The following HTR2C variants were observed in gnomAD, a reference collection of about 807,000 sequenced individuals.
HTR2C encodes the protein 5-hydroxytryptamine (serotonin) receptor 2C, G protein-coupled.
Under a neutral mutation model 21.0 loss-of-function variants are expected in HTR2C, and 5 were observed. The observed-to-expected ratio is 0.24, with a 90% confidence interval of 0.12 to 0.50. The LOEUF (loss-of-function observed/expected upper bound fraction) is 0.50. Ranked by LOEUF, HTR2C falls within the 20% of genes least tolerant of loss-of-function variation. HTR2C has a pLI of 0.98. For synonymous variants in HTR2C, 150 were observed against 145.3 expected, an observed-to-expected ratio of 1.03 and a Z score of -0.23; for missense variants, 271 against 371.2, an observed-to-expected ratio of 0.73 and a Z score of 2.22.
At chrX:114,770,803 C>CTTTTTTTTTT (rs377420309) in intron 4 of HTR2C, among the ~76,000 whole-genome samples, 1 of 80,744 alleles carries the variant, frequency 1.2e-5, no homozygotes, top group African/African-American at 4.8e-5. Context: ...TTCTTTCTTC[C>CTTTTTTTTTT]TTTTTTTTTT....
At chrX:114,806,301 C>CAT (rs1324412394) in intron 4 of HTR2C, among the ~76,000 whole-genome samples, 4 of 94,598 alleles carry the variant, frequency 4.2e-5, no homozygotes, top group Non-Finnish European at 8.3e-5. Context: ...AGATACACAC[C>CAT]ATATATATAC....
chrX:114,628,601 C>T (rs782667993), intron 2 of HTR2C, among the ~76,000 whole-genome samples: 30 of 109,561 alleles, frequency 2.7e-4, no homozygotes, highest in African/African-American at 9.6e-4. Context: ...TAGAAATGCT[C>T]CTCTTAAATT....
At chrX:114,729,232 T>C (rs183962665) in intron 3 of HTR2C, among the ~76,000 whole-genome samples, 107 of 112,080 alleles carry the variant, frequency 9.5e-4, no homozygotes, top group Non-Finnish European at 1.8e-3. Flanking sequence ...AGTTGGGATA[T>C]AGCAAACATA....
intron 2 of HTR2C, among the ~76,000 whole-genome samples, chrX:114,703,033 A>G (rs1173249901): frequency 2.8e-4 from 25 of 89,742 alleles, no homozygotes; most frequent in Admixed American, 6.9e-4. Flanking sequence ...ATATGCACCC[A>G]ATACAGGAGC....
chrX:114,703,471 A>T (rs1400736000), intron 2 of HTR2C, among the ~76,000 whole-genome samples: 1 of 110,954 alleles, frequency 9.0e-6, no homozygotes, highest in African/African-American at 3.3e-5. Flanking sequence ...CTGGGTACAT[A>T]AGGAAATGAA....
intron 2 of HTR2C, among the ~76,000 whole-genome samples, chrX:114,694,470 T>C (rs1932207969): frequency 5.4e-4 from 2 of 3,706 alleles, no homozygotes; most frequent in African/African-American, 6.3e-4. Context: ...TATATATATA[T>C]ATATATATAT....
intron 4 of HTR2C, among the ~76,000 whole-genome samples, chrX:114,778,271 A>C (rs1419720590): frequency 8.9e-6 from 1 of 111,817 alleles, no homozygotes; most frequent in African/African-American, 3.3e-5. Context: ...TCTTATTTCT[A>C]AATAAACATT....
intron 5 of HTR2C, among the ~76,000 whole-genome samples, chrX:114,859,734 C>G (rs904407063): frequency 4.5e-5 from 5 of 110,822 alleles, no homozygotes; most frequent in African/African-American, 1.6e-4. Context: ...CTTTGGGTTT[C>G]ATTTTCTCTT....
intron 4 of HTR2C, among the ~76,000 whole-genome samples, chrX:114,839,371 C>T (rs2147480759): frequency 8.9e-6 from 1 of 111,953 alleles, no homozygotes; most frequent in African/African-American, 3.2e-5. Context: ...GAAGAGGTGG[C>T]TAAAACTCCA....
chrX:114,746,964 G>A lies in HTR2C; in HGVS notation c.349+15357G>A, dbSNP rs5988124. Among the ~76,000 whole-genome samples the A allele has an allele frequency of 4.4e-3, 488 of 110,739 alleles. 4 individuals are homozygous for A. The highest frequency in any genetic ancestry group is 0.015 in the African/African-American group (463 of 30,438). ...CGAGCCACTGCACTCCAGCCTGGGCGACAGAGCGAGACTCCGTCTCAAAAA... is the reference window on the plus strand; with the variant it reads ...CGAGCCACTGCACTCCAGCCTGGGCAACAGAGCGAGACTCCGTCTCAAAAA... On this transcript the variant is annotated intron_variant, in intron 4 of 5. Coordinates refer to ENST00000276198, the MANE Select transcript of HTR2C (RefSeq NM_000868.4).
intron 4 of HTR2C, among the ~76,000 whole-genome samples, chrX:114,761,559 A>T (rs996286705): frequency 9.0e-6 from 1 of 111,098 alleles, no homozygotes; most frequent in African/African-American, 3.3e-5. Context: ...TTCTGCAAAA[A>T]ATTTCACATG....
In HTR2C at chrX:114,602,298, T is replaced by G. The variant is rs1321319923; in HGVS notation, c.-146-11517T>G. 1.2e-4 allele frequency among the ~76,000 whole-genome samples: 3 copies of G among 25,704 alleles called. 1 individual carries two copies. Among genetic ancestry groups the G allele is most frequent in the African/African-American group, 4.6e-4 (3 of 6,563 alleles). 22.3% of individuals were successfully genotyped at this position (25,704 alleles called of 115,157 possible). ...ACAGAAGATAGTAGGGATGACAAGT[T>G]TTTTTTTGGGGGGGCACAGTCTAAG... On this transcript the variant is annotated intron_variant, in intron 1 of 5. Transcript: ENST00000276198.
intron 4 of HTR2C, among the ~76,000 whole-genome samples, chrX:114,762,899 G>T (rs977180279): frequency 1.8e-5 from 2 of 111,842 alleles, no homozygotes; most frequent in Non-Finnish European, 3.8e-5. Context: ...GCTAACAAAG[G>T]TCCTCTAGCC....
chrX:114,892,972 G>A (rs1473990048), intron 5 of HTR2C, among the ~76,000 whole-genome samples: 1 of 108,329 alleles, frequency 9.2e-6, no homozygotes, highest in Non-Finnish European at 1.9e-5. Context: ...GAATGCAGTG[G>A]CATGATCTTG....
At chrX:114,874,770 A>G (rs372373277) in intron 5 of HTR2C, among the ~76,000 whole-genome samples, 1 of 111,131 alleles carries the variant, frequency 9.0e-6, no homozygotes, top group Non-Finnish European at 1.9e-5. Flanking sequence ...CGGCCTCCCA[A>G]AGTGCTGGGA....
At chrX:114,841,378 A>G (rs782336755) in intron 4 of HTR2C, among the ~76,000 whole-genome samples, 1 of 112,185 alleles carries the variant, frequency 8.9e-6, no homozygotes, top group Non-Finnish European at 1.9e-5. Flanking sequence ...ATGCTCCAAT[A>G]TGGAAACTTT....
intron 4 of HTR2C, among the ~76,000 whole-genome samples, chrX:114,782,429 T>A (rs1419496137): frequency 8.9e-6 from 1 of 111,770 alleles, no homozygotes; most frequent in Non-Finnish European, 1.9e-5. Context: ...AAATTAATAA[T>A]ATTCTGGGTG....
intron 2 of HTR2C, among the ~76,000 whole-genome samples, chrX:114,700,940 C>A (rs1024230027): frequency 8.9e-6 from 1 of 112,025 alleles, no homozygotes; most frequent in Non-Finnish European, 1.9e-5. Context: ...CCTACGCCCA[C>A]GGAGTCTTGC....
intron 4 of HTR2C, among the ~76,000 whole-genome samples, chrX:114,768,125 C>A (rs1295990041): frequency 5.4e-5 from 6 of 110,949 alleles, no homozygotes; most frequent in African/African-American, 2.0e-4. Context: ...AAGAAATACT[C>A]TTTTTTAACT....
Sources: allele counts gnomAD v4.1 joint callset (sites outside exome capture counted in the v4.1 genomes callset), GRCh38; gene constraint gnomAD v4.1.1; transcripts MANE v1.5; gene names NCBI Gene and HGNC (gene_info 2026-07-23, HGNC 2026-07-21).